Variants in LMNTD1 observed in about 807,000 individuals in gnomAD.
LMNTD1 encodes lamin tail domain-containing protein 1.
In LMNTD1, 35 loss-of-function variants were observed where a neutral mutation model predicts 50.9. The observed-to-expected ratio is 0.69, with a 90% CI of 0.53 to 0.91. LMNTD1 has a LOEUF of 0.91. LMNTD1 is among the 40% of genes least tolerant of loss of function. The probability of loss-of-function intolerance (pLI) is 0.00; values close to 1 mark genes in which losing one functional copy is unlikely to be tolerated. For missense variants in LMNTD1, 470 were observed against 475.5 expected, an observed-to-expected ratio of 0.99 and a Z score of 0.11; for synonymous variants, 153 against 161.9, an observed-to-expected ratio of 0.94 and a Z score of 0.42.
intron 6 of LMNTD1, among the ~76,000 whole-genome samples, chr12:25,522,442 C>T (rs1941388258): frequency 6.6e-6 from 1 of 152,106 alleles, no homozygotes; most frequent in African/African-American, 2.4e-5. Context: ...CCACATGAAA[C>T]TTACAAACTA....
chr12:25,491,144 T>C (rs895252953), intron 9 of LMNTD1, among the ~76,000 whole-genome samples: 7 of 152,218 alleles, frequency 4.6e-5, no homozygotes, highest in African/African-American at 1.4e-4. Flanking sequence ...GATTACCACA[T>C]AGGTGCTTGA....
At chr12:25,575,835 C>T (rs577297561) in intron 1 of LMNTD1, among the ~76,000 whole-genome samples, 1 of 152,244 alleles carries the variant, frequency 6.6e-6, no homozygotes, top group South Asian at 2.1e-4. Context: ...CTATCCCTCC[C>T]TCCTCCCCCA....
At chr12:25,533,826 A>G (rs1481889312) in intron 4 of LMNTD1, among the ~76,000 whole-genome samples, 2 of 152,214 alleles carry the variant, frequency 1.3e-5, no homozygotes, top group African/African-American at 2.4e-5. Flanking sequence ...TTTAGTCTGA[A>G]TAAGAATCCT....
At chr12:25,571,736 C>T (rs1174695254) in intron 1 of LMNTD1, among the ~76,000 whole-genome samples, 1 of 152,202 alleles carries the variant, frequency 6.6e-6, no homozygotes, top group East Asian at 1.9e-4. Flanking sequence ...GTAGTGCAAT[C>T]ATGGCTCACT....
intron 1 of LMNTD1, among the ~76,000 whole-genome samples, chr12:25,632,145 T>C (rs947545146): frequency 2.6e-5 from 4 of 152,204 alleles, no homozygotes; most frequent in Non-Finnish European, 5.9e-5. Context: ...CCAAGAAGTC[T>C]GGGATTATGG....
At chr12:25,604,725 TA>T (rs946544641) in intron 1 of LMNTD1, among the ~76,000 whole-genome samples, 1 of 152,168 alleles carries the variant, frequency 6.6e-6, no homozygotes, top group African/African-American at 2.4e-5. Flanking sequence ...ATATGTGCCA[TA>T]TTTTCTTAAT....
At chr12:25,498,538 A>G (rs1238180280) in intron 9 of LMNTD1, among the ~76,000 whole-genome samples, 1 of 152,170 alleles carries the variant, frequency 6.6e-6, no homozygotes, top group Non-Finnish European at 1.5e-5. Flanking sequence ...ATGCTTTTGG[A>G]AAATGCATCT....
chr12:25,545,413 T>C (rs1943373382), intron 4 of LMNTD1, among the ~76,000 whole-genome samples: 1 of 151,678 alleles, frequency 6.6e-6, no homozygotes, highest in South Asian at 2.1e-4. Flanking sequence ...TTCTCACTTC[T>C]CTGTGGCCTC....
chr12:25,606,619 T>C (rs1436205964), intron 1 of LMNTD1, among the ~76,000 whole-genome samples: 1 of 152,228 alleles, frequency 6.6e-6, no homozygotes, highest in East Asian at 1.9e-4. Context: ...GTTCTGTTTA[T>C]ATGCTGGATT....
chr12:25,552,582 A>G (rs368502529), intron 2 of LMNTD1, among the ~76,000 whole-genome samples: 2 of 34,228 alleles, frequency 5.8e-5, no homozygotes, highest in African/African-American at 1.0e-4. Flanking sequence ...ACTCTGTCTG[A>G]AAAAAAAAAA....
intron 1 of LMNTD1, among the ~76,000 whole-genome samples, chr12:25,639,996 C>T (rs1346452338): frequency 6.6e-6 from 1 of 152,126 alleles, no homozygotes; most frequent in Non-Finnish European, 1.5e-5. Flanking sequence ...ATACATACTA[C>T]CACATGGATG....
chr12:25,629,665 T>A (rs1224779727), intron 1 of LMNTD1, among the ~76,000 whole-genome samples: 1 of 151,924 alleles, frequency 6.6e-6, no homozygotes, highest in African/African-American at 2.4e-5. Flanking sequence ...TGGAACGGAG[T>A]GTGAGGAATT....
intron 1 of LMNTD1, among the ~76,000 whole-genome samples, chr12:25,587,377 C>G (rs1462058974): frequency 1.3e-5 from 2 of 152,214 alleles, no homozygotes; most frequent in African/African-American, 4.8e-5. Flanking sequence ...TGCTCTGCTT[C>G]CAGGGAGGCC....
chr12:25,522,572 T>C (rs1941398359), intron 6 of LMNTD1, among the ~76,000 whole-genome samples: 1 of 152,266 alleles, frequency 6.6e-6, no homozygotes, highest in South Asian at 2.1e-4. Flanking sequence ...CCATTTTTTT[T>C]CCCCAAGATA....
intron 1 of LMNTD1, among the ~76,000 whole-genome samples, chr12:25,604,535 T>G (rs1387247879): frequency 1.3e-5 from 2 of 151,698 alleles, no homozygotes; most frequent in South Asian, 2.1e-4. Context: ...TGTGTGATGT[T>G]CCCCTTCCTG....
chr12:25,497,797 GAA>G (rs5797135), intron 9 of LMNTD1: 45 of 144,516 alleles, frequency 3.1e-4, no homozygotes, highest in African/African-American at 8.1e-4. Flanking sequence ...GACTCCATCT[GAA>G]AAAAAAAAAA....
chr12:25,640,904 T>A (rs749376569), intron 1 of LMNTD1, among the ~76,000 whole-genome samples: 1 of 152,166 alleles, frequency 6.6e-6, no homozygotes, highest in Non-Finnish European at 1.5e-5. Context: ...CCTGACCTCG[T>A]GATCCACCTG....
chr12:25,524,128 A>G (rs1941541891), intron 6 of LMNTD1, among the ~76,000 whole-genome samples: 1 of 152,230 alleles, frequency 6.6e-6, no homozygotes, highest in South Asian at 2.1e-4. Context: ...CTTCCTCTCA[A>G]TGCTTTTTCT....
intron 9 of LMNTD1, among the ~76,000 whole-genome samples, chr12:25,484,962 C>A (rs1938573985): frequency 6.6e-6 from 1 of 151,938 alleles, no homozygotes; most frequent in African/African-American, 2.4e-5. Context: ...CTGCAATAAA[C>A]ATATGTGTGC....
Sources: allele counts gnomAD v4.1 joint callset (sites outside exome capture counted in the v4.1 genomes callset), GRCh38; gene constraint gnomAD v4.1.1; transcripts MANE v1.5; gene names NCBI Gene and HGNC (gene_info 2026-07-23, HGNC 2026-07-21).